The following PTPRT variants were observed in gnomAD, a reference collection of about 807,000 sequenced individuals.
The protein encoded by PTPRT is protein tyrosine phosphatase receptor type T, also known as receptor-type tyrosine-protein phosphatase T.
PTPRT carries 56 observed loss-of-function variants against 176.8 expected under a neutral mutation model. The ratio of observed to expected loss-of-function variants is 0.32; its 90% confidence interval spans 0.26 to 0.40. The LOEUF is 0.40. PTPRT is among the 10% of genes least tolerant of loss of function. PTPRT has a pLI of 1.00. For synonymous variants in PTPRT, 783 were observed against 739.0 expected, an observed-to-expected ratio of 1.06 and a Z score of -0.96; for missense variants, 1,540 against 1,908.2, an observed-to-expected ratio of 0.81 and a Z score of 3.60.
chr20:42,479,218 G>C lies in PTPRT; in HGVS notation c.1154-6656C>G, dbSNP rs62204929. Among the ~76,000 whole-genome samples the C allele has an allele frequency of 7.8e-3, 1,190 of 152,326 alleles. 11 individuals carry two copies. Among genetic ancestry groups the C allele is most frequent in the Middle Eastern group, 0.014 (4 of 294 alleles). ...ATTCATGAATTTGCTACGTATTCAT[G>C]TTTGCATGTGGAGTTGCCTGTAGCA... On this transcript the variant is annotated intron_variant, in intron 7 of 30. Transcript: ENST00000373187.
At chr20:42,212,749 A>G (rs1203206186) in intron 15 of PTPRT, among the ~76,000 whole-genome samples, 1 of 152,232 alleles carries the variant, frequency 6.6e-6, no homozygotes, top group African/African-American at 2.4e-5. Context: ...GCACACAGTA[A>G]GCACTCAATA....
intron 2 of PTPRT, among the ~76,000 whole-genome samples, chr20:42,852,961 G>A (rs1054313830): frequency 1.3e-5 from 2 of 152,172 alleles, no homozygotes; most frequent in Admixed American, 1.3e-4. Context: ...AGATGGTGGT[G>A]GAGCTGCCCA....
intron 17 of PTPRT, among the ~76,000 whole-genome samples, chr20:42,158,896 A>G (rs1409421519): frequency 6.6e-6 from 1 of 152,242 alleles, no homozygotes; most frequent in Non-Finnish European, 1.5e-5. Flanking sequence ...AAAGCTGTTC[A>G]TTTCCATGCT....
chr20:42,098,196 G>A (rs897845527), intron 27 of PTPRT, among the ~76,000 whole-genome samples: 1 of 152,042 alleles, frequency 6.6e-6, no homozygotes, highest in African/African-American at 2.4e-5. Context: ...GCGGGGAGTT[G>A]GACAAAGCCC....
intron 16 of PTPRT, among the ~76,000 whole-genome samples, chr20:42,195,969 T>C (rs1382743151): frequency 6.6e-6 from 1 of 152,206 alleles, no homozygotes. Flanking sequence ...GGTCTAAGTT[T>C]TGGCCCATAG....
chr20:42,905,914 T>C (rs1265168721), intron 1 of PTPRT, among the ~76,000 whole-genome samples: 3 of 58,836 alleles, frequency 5.1e-5, no homozygotes, highest in Non-Finnish European at 9.4e-5. Context: ...CTGGGGCCTG[T>C]CGGGGGGTAG....
Position 42,774,962 on chromosome 20 carries a change from C to G in PTPRT, c.569-3412G>C, listed in dbSNP as rs557211093. On this transcript the variant is annotated intron_variant, in intron 4 of 30. Coordinates refer to ENST00000373187, the MANE Select transcript of PTPRT (RefSeq NM_007050.6). ...AAACGGCCTGCTCATCAGCCGCAAG[C>G]TCTCTCAACTGTCACCTTCCCCCAG... Among the ~76,000 whole-genome samples, 11 of 152,234 alleles carry G rather than the reference C, an allele frequency of 7.2e-5. 1 individual carries two copies. Among genetic ancestry groups the G allele is most frequent in the Admixed American group, 6.5e-4 (10 of 15,288 alleles).
chr20:42,633,987 ATAT>A (rs2074500549), intron 7 of PTPRT, among the ~76,000 whole-genome samples: 1 of 23,048 alleles, frequency 4.3e-5, no homozygotes, highest in Non-Finnish European at 6.9e-5. Flanking sequence ...ATTATATATT[ATAT>A]TATATATATT....
At chr20:42,376,557 C>T (rs1483757526) in intron 9 of PTPRT, among the ~76,000 whole-genome samples, 4 of 152,200 alleles carry the variant, frequency 2.6e-5, no homozygotes, top group Non-Finnish European at 4.4e-5. Context: ...CACAGCCAGA[C>T]CCTAACCCTC....
chr20:42,838,905 T>TG (rs2078228551), intron 2 of PTPRT, among the ~76,000 whole-genome samples: 2 of 152,138 alleles, frequency 1.3e-5, no homozygotes, highest in African/African-American at 4.8e-5. Context: ...TAGGAACCTG[T>TG]GCTTGGGCTT....
chr20:42,341,332 T>C (rs891797736), intron 11 of PTPRT, among the ~76,000 whole-genome samples: 2 of 152,336 alleles, frequency 1.3e-5, no homozygotes, highest in East Asian at 1.9e-4. Context: ...TTATCCATCA[T>C]CTTCATTTCT....
chr20:42,893,359 T>C (rs886885316), intron 1 of PTPRT, among the ~76,000 whole-genome samples: 4 of 152,006 alleles, frequency 2.6e-5, no homozygotes, highest in African/African-American at 7.3e-5. Context: ...AGTCAGGAAA[T>C]AACAGGTGCT....
At chr20:42,468,014 T>A (rs1189195213) in intron 8 of PTPRT, among the ~76,000 whole-genome samples, 1 of 152,204 alleles carries the variant, frequency 6.6e-6, no homozygotes, top group African/African-American at 2.4e-5. Context: ...TGGTTTTGTC[T>A]GAGACATTTG....
rs190761839 is a variant in PTPRT at position 42,985,324 on chromosome 20, G to A, written c.89-99392C>T. Among the ~76,000 whole-genome samples the A allele has an allele frequency of 3.3e-4, 50 of 152,064 alleles. No individual in the cohort carries two copies. The East Asian group carries it at 7.2e-3, about 22-fold the overall frequency. On this transcript the variant is annotated intron_variant, in intron 1 of 30. Transcript: ENST00000373187. ...AGCCTGACCAACATGGTGAAACCCC[G>A]TCTCTACTAAAAATACAAAAATTAG...
intron 17 of PTPRT, among the ~76,000 whole-genome samples, chr20:42,155,279 C>G (rs2146477197): frequency 6.6e-6 from 1 of 152,318 alleles, no homozygotes; most frequent in Non-Finnish European, 1.5e-5. Flanking sequence ...TCAGATCTAT[C>G]TGGCAGGTGA....
intron 1 of PTPRT, among the ~76,000 whole-genome samples, chr20:43,105,189 C>G (rs143030296): frequency 3.8e-4 from 58 of 152,214 alleles, no homozygotes; most frequent in Admixed American, 6.5e-4. Context: ...TTTTCAGGCC[C>G]TACCTCAAAC....
intron 1 of PTPRT, among the ~76,000 whole-genome samples, chr20:42,922,747 C>T (rs1018565132): frequency 6.6e-5 from 10 of 152,190 alleles, no homozygotes; most frequent in Admixed American, 4.6e-4. Context: ...CTGCTTCCAT[C>T]TGCCCCAGAA....
chr20:42,477,764 T>C (rs2071316160), intron 7 of PTPRT, among the ~76,000 whole-genome samples: 1 of 151,886 alleles, frequency 6.6e-6, no homozygotes, highest in Admixed American at 6.6e-5. Flanking sequence ...GTGGGAAGAG[T>C]GTGGCTTGTC....
chr20:42,387,875 C>A (rs2058759818), intron 9 of PTPRT, among the ~76,000 whole-genome samples: 1 of 151,822 alleles, frequency 6.6e-6, no homozygotes, highest in Non-Finnish European at 1.5e-5. Context: ...CACTGAAACC[C>A]CTACCTCCTG....
Sources: gnomAD v4.1 joint callset for allele counts (sites outside exome capture counted in the v4.1 genomes callset) on GRCh38, gnomAD v4.1.1 for gene constraint, MANE v1.5 for transcripts, NCBI Gene and HGNC (gene_info 2026-07-23, HGNC 2026-07-21) for gene names.